Variants in HYDIN observed in about 807,000 individuals in gnomAD.
HYDIN encodes the protein axonemal central pair apparatus protein HYDIN.
Under a neutral mutation model 403.9 loss-of-function variants are expected in HYDIN, and 132 were observed. That is an observed-to-expected ratio of 0.33 (90% confidence interval 0.28 to 0.38). The LOEUF is 0.38. Ranked by LOEUF, HYDIN falls within the 10% of genes least tolerant of loss-of-function variation. The pLI is 1.00. For synonymous variants in HYDIN, 1,202 were observed against 1,891.7 expected (o/e 0.64, Z 9.46); for missense variants, 2,827 against 5,009.5 (o/e 0.56, Z 13.15).
chr16:70,946,749 G>C (rs1282186651), intron 41 of HYDIN, among the ~76,000 whole-genome samples: 1 of 152,186 alleles, frequency 6.6e-6, no homozygotes, highest in East Asian at 1.9e-4. Context: ...AGAGATCTTG[G>C]AGTTTATGGG....
At position 71,175,611 on chromosome 16, in the gene HYDIN, T is replaced by C; in HGVS notation, c.512A>G (p.Asn171Ser). ...TCTTGCCATTCCTGGTATTACCTTG[T>C]TCTCCTCTGGAGTAAAGAGGATTCG... ...IFRILFTPEE[N>S]KDYAHTLTCV... The change falls in exon 5 of 86, where the codon AAC (asparagine) becomes AGC (serine). Residue 171 changes from asparagine to serine, a missense_variant. Transcript: ENST00000393567. 1 of 1,614,112 alleles carries C rather than the reference T, an allele frequency of 6.2e-7. No individual in the cohort carries two copies. The highest frequency in any genetic ancestry group is 8.5e-7 in the Non-Finnish European group (1 of 1,179,934).
chr16:71,181,801 CA>C (rs2086915135), intron 3 of HYDIN, among the ~76,000 whole-genome samples: 1 of 151,630 alleles, frequency 6.6e-6, no homozygotes, highest in East Asian at 1.9e-4. Context: ...TGAACAAAGC[CA>C]AAAAAAGCCC....
At chr16:71,020,084 A>G (rs2080425011) in intron 22 of HYDIN, 90 bp downstream of exon 22, 2 of 1,149,812 alleles carry the variant, frequency 1.7e-6, no homozygotes, top group Non-Finnish European at 2.4e-6. Flanking sequence ...TCTGAGCTGA[A>G]GTTGGGTGGT....
In HYDIN at chr16:70,938,663, G is replaced by A. The variant is rs745371531; in HGVS notation, c.6946C>T (p.Leu2316Phe). The change falls in exon 44 of 86, where the codon CTC (leucine) becomes TTC (phenylalanine). Residue 2316 changes from leucine to phenylalanine, a missense_variant. Coordinates refer to ENST00000393567, the MANE Select transcript of HYDIN (RefSeq NM_001270974.2). Reference protein sequence around the residue: ...EYDALTEEEKLTFDRGIQQAL... With the variant: ...EYDALTEEEKFTFDRGIQQAL... ...TGCTGAATCCCCCGATCGAATGTGAGTTTCTCCTCCTCAGTCAGGGCATCA... is the reference window on the plus strand; with the variant it reads ...TGCTGAATCCCCCGATCGAATGTGAATTTCTCCTCCTCAGTCAGGGCATCA... The A allele has an allele frequency of 5.0e-6, 8 of 1,610,938 alleles. No homozygotes were observed. In the Admixed American group the frequency reaches 1.3e-4, roughly 27 times the overall value.
At chr16:71,178,434 A>AATATAT (rs1555501893) in intron 4 of HYDIN, among the ~76,000 whole-genome samples, 13 of 94,544 alleles carry the variant, frequency 1.4e-4, no homozygotes, top group African/African-American at 4.6e-4. Flanking sequence ...AAAAAAAAAA[A>AATATAT]ATATATATAT....
At chr16:70,906,998 G>T (rs1409300005) in intron 50 of HYDIN, among the ~76,000 whole-genome samples, 1 of 152,104 alleles carries the variant, frequency 6.6e-6, no homozygotes, top group Admixed American at 6.5e-5. Flanking sequence ...CTACGTCTGT[G>T]GCTTTTGTTG....
Position 70,829,802 on chromosome 16 carries a change from G to A in HYDIN, c.13928C>T (p.Ser4643Phe), listed in dbSNP as rs2036847338. 6.2e-7 allele frequency: 1 copy of A among 1,613,910 alleles called. No homozygotes were observed. The highest frequency in any genetic ancestry group is 1.3e-5 in the African/African-American group (1 of 74,944). The change falls in exon 81 of 86, where the codon TCC becomes TTC. Residue 4643 changes from serine to phenylalanine, a missense_variant. Ser to Phe is a radical substitution (Grantham distance 155). Coordinates refer to ENST00000393567, the MANE Select transcript of HYDIN (RefSeq NM_001270974.2). The stretch of plus-strand genomic sequence containing the variant: ...CAGCAGGATGGTCTGCGTGTGCTTG[G>A]AGCGCACCTGGCACGTGAAATTCAC... ...EVVNFTCQVRSKHTQTILLSN... is the reference protein window; with the variant it reads ...EVVNFTCQVRFKHTQTILLSN...
chr16:71,177,271 C>A (rs1412631152), intron 4 of HYDIN, among the ~76,000 whole-genome samples: 1 of 152,160 alleles, frequency 6.6e-6, no homozygotes, highest in Non-Finnish European at 1.5e-5. Context: ...TGGACTGTAC[C>A]ACTTTAGTAG....
At chr16:70,834,976 GTATA>G (rs139272178) in intron 78 of HYDIN, among the ~76,000 whole-genome samples, 9,489 of 132,186 alleles carry the variant, frequency 0.072, 1,109 homozygotes, top group African/African-American at 0.27. Flanking sequence ...ATATATGTGT[GTATA>G]TATATATATA....
intron 56 of HYDIN, 44 bp downstream of exon 56, chr16:70,892,317 C>G (rs367731036): frequency 5.1e-6 from 8 of 1,565,678 alleles, no homozygotes; most frequent in African/African-American, 1.4e-5. Flanking sequence ...AGGAGTCGTA[C>G]GATCCTGCCA....
chr16:71,167,789 A>G (rs1286500694), intron 5 of HYDIN, among the ~76,000 whole-genome samples: 2 of 152,012 alleles, frequency 1.3e-5, no homozygotes, highest in Non-Finnish European at 2.9e-5. Flanking sequence ...CTGGCTTACA[A>G]TTAATTCAGA....
In HYDIN at chr16:71,027,638, A is replaced by G; in HGVS notation, c.3006T>C (p.Ile1002=). 2 of 1,613,348 alleles carry G rather than the reference A, an allele frequency of 1.2e-6. No homozygotes were observed. The highest frequency in any genetic ancestry group is 1.7e-6 in the Non-Finnish European group (2 of 1,179,838). Residue 1002 remains isoleucine, a synonymous_variant, in exon 20 of 86, where the codon ATT becomes ATC. Transcript: ENST00000393567. ...CAGAATAGCCTTCGAGTATCACATC[A>G]ATTGCCTGGCCTGGGTACAGCTCCA... The part of the protein sequence containing the change: ...ASMELYPGQA[I]DVILEGYSAT...
intron 18 of HYDIN, among the ~76,000 whole-genome samples, chr16:71,047,274 T>G (rs996657495): frequency 6.6e-6 from 1 of 152,122 alleles, no homozygotes; most frequent in Non-Finnish European, 1.5e-5. Context: ...TCAGTAGAGC[T>G]TTCATTCTAA....
intron 39 of HYDIN, among the ~76,000 whole-genome samples, chr16:70,957,328 AT>A (rs567388952): frequency 1.4e-3 from 187 of 137,452 alleles, no homozygotes; most frequent in Middle Eastern, 3.8e-3. Flanking sequence ...TTTCCTTCCT[AT>A]TTTTTTTTTT....
intron 58 of HYDIN, among the ~76,000 whole-genome samples, chr16:70,886,161 G>T (rs377717977): frequency 6.6e-5 from 10 of 151,948 alleles, no homozygotes; most frequent in African/African-American, 2.2e-4. Flanking sequence ...CCTCTGTGAA[G>T]CCTTCAATGA....
chr16:70,853,814 C>T (rs1387161433), intron 73 of HYDIN, among the ~76,000 whole-genome samples: 6 of 147,540 alleles, frequency 4.1e-5, no homozygotes, highest in Non-Finnish European at 8.9e-5. Flanking sequence ...TTTACTGAAG[C>T]TTTGCAAGAT....
intron 18 of HYDIN, among the ~76,000 whole-genome samples, chr16:71,049,181 G>A (rs1471755319): frequency 2.0e-5 from 3 of 152,244 alleles, no homozygotes; most frequent in African/African-American, 7.2e-5. Flanking sequence ...AACCAGTAGA[G>A]GCAGCTTGAG....
In HYDIN at chr16:71,178,853, C is replaced by T. The variant is rs1484027953; in HGVS notation, c.381+75G>A. ...AAATTAAAGAACTTATCAAAGATCC[C>T]TCAAGATCTCATTTTACTTTAACCC... On this transcript the variant is annotated intron_variant, in intron 4 of 85. Coordinates refer to ENST00000393567, the MANE Select transcript of HYDIN (RefSeq NM_001270974.2). 2.4e-6 allele frequency: 3 copies of T among 1,244,892 alleles called. No homozygotes were observed. The African/African-American group carries it at 4.5e-5, about 19-fold the overall frequency. The allele number at this position is 1,244,892 out of a possible 1,614,324, so 77.1% of individuals were successfully genotyped here.
chr16:71,190,800 T>G (rs1399859027), intron 1 of HYDIN, among the ~76,000 whole-genome samples: 1 of 152,156 alleles, frequency 6.6e-6, no homozygotes, highest in Non-Finnish European at 1.5e-5. Flanking sequence ...ACCACTTATG[T>G]AGTGTTATTG....
Sources: allele counts gnomAD v4.1 joint callset (sites outside exome capture counted in the v4.1 genomes callset), GRCh38; gene constraint gnomAD v4.1.1; transcripts MANE v1.5; gene names NCBI Gene and HGNC (gene_info 2026-07-23, HGNC 2026-07-21).